MSH3: variants seen among roughly 807,000 people sequenced by gnomAD.
MSH3 encodes the protein DNA mismatch repair protein Msh3.
MSH3 carries 106 observed loss-of-function variants against 123.3 expected under a neutral mutation model. That is an observed-to-expected ratio of 0.86 (90% confidence interval 0.73 to 1.01). The LOEUF is 1.01. MSH3 is among the 50% of genes least tolerant of loss of function. The probability of loss-of-function intolerance (pLI) is 0.00; values close to 1 mark genes in which losing one functional copy is unlikely to be tolerated. For missense variants in MSH3, 1,459 were observed against 1,347.6 expected (o/e 1.08, Z -1.29); for synonymous variants, 515 against 481.4 (o/e 1.07, Z -0.91).
chr5:80,731,206 C>T (rs928974442), intron 10 of MSH3, among the ~76,000 whole-genome samples: 2 of 151,858 alleles, frequency 1.3e-5, no homozygotes, highest in Admixed American at 1.3e-4. Context: ...TCCGGCCTGT[C>T]TTCCTCATAT....
At chr5:80,683,519 C>T (rs1177293729) in intron 8 of MSH3, among the ~76,000 whole-genome samples, 1 of 152,134 alleles carries the variant, frequency 6.6e-6, no homozygotes, top group Non-Finnish European at 1.5e-5. Context: ...TGAGAAATGT[C>T]TATTCAATTT....
chr5:80,833,400 A>G (rs190439200), intron 20 of MSH3, among the ~76,000 whole-genome samples: 3 of 152,330 alleles, frequency 2.0e-5, no homozygotes, highest in African/African-American at 7.2e-5. Flanking sequence ...AGTATGTCTT[A>G]TAAATGATTG....
intron 8 of MSH3, among the ~76,000 whole-genome samples, chr5:80,718,495 G>GGT (rs1751007391): frequency 8.2e-6 from 1 of 122,214 alleles, no homozygotes; most frequent in African/African-American, 3.1e-5. Flanking sequence ...CTCACCTTTG[G>GGT]TTTTTTTTTT....
At chr5:80,692,725 T>C (rs571994152) in intron 8 of MSH3, among the ~76,000 whole-genome samples, 1 of 137,368 alleles carries the variant, frequency 7.3e-6, no homozygotes, top group Non-Finnish European at 1.6e-5. Flanking sequence ...TTTATATAGA[T>C]AAATATACAT....
chr5:80,787,788 G>A, intron 18 of MSH3, 116 bp downstream of exon 18: 2 of 761,474 alleles, frequency 2.6e-6, no homozygotes, highest in South Asian at 1.5e-5. Context: ...TTAGACTCTT[G>A]GGAAAGCTGA....
intron 8 of MSH3, among the ~76,000 whole-genome samples, chr5:80,679,765 G>A (rs774886157): frequency 3.3e-5 from 5 of 152,188 alleles, no homozygotes; most frequent in East Asian, 1.9e-4. Flanking sequence ...TACCTAACTG[G>A]ACTTAAAGGC....
At chr5:80,847,112 T>C (rs1745737265) in intron 20 of MSH3, among the ~76,000 whole-genome samples, 1 of 152,098 alleles carries the variant, frequency 6.6e-6, no homozygotes, top group Non-Finnish European at 1.5e-5. Context: ...CAGTCTGGAG[T>C]GCAGTGGTGC....
chr5:80,826,983 GT>G (rs1353168147), intron 20 of MSH3, among the ~76,000 whole-genome samples: 3 of 152,168 alleles, frequency 2.0e-5, no homozygotes, highest in Non-Finnish European at 4.4e-5. Flanking sequence ...ATTATGATAT[GT>G]GTACTCATCG....
intron 1 of MSH3, chr5:80,655,250 T>G: frequency 3.2e-6 from 1 of 310,824 alleles, no homozygotes; most frequent in Non-Finnish European, 5.9e-6. Flanking sequence ...ATGAGGGGGC[T>G]TGTGGGCAAG....
intron 2 of MSH3, among the ~76,000 whole-genome samples, chr5:80,661,948 G>T (rs1749442919): frequency 6.6e-6 from 1 of 151,114 alleles, no homozygotes; most frequent in South Asian, 2.1e-4. Flanking sequence ...TAGAAAGGGG[G>T]TGCATAGTAG....
intron 8 of MSH3, among the ~76,000 whole-genome samples, chr5:80,708,825 A>G (rs1471447824): frequency 6.6e-6 from 1 of 151,686 alleles, no homozygotes; most frequent in Non-Finnish European, 1.5e-5. Flanking sequence ...CCCAGGCTGG[A>G]GTGTGGTGGC....
intron 15 of MSH3, among the ~76,000 whole-genome samples, chr5:80,771,678 C>A (rs1272312803): frequency 6.6e-6 from 1 of 152,018 alleles, no homozygotes. Context: ...TTGTAATAAC[C>A]TTAAAAGACC....
At chr5:80,712,830 T>G (rs566137759) in intron 8 of MSH3, among the ~76,000 whole-genome samples, 2 of 152,294 alleles carry the variant, frequency 1.3e-5, no homozygotes, top group Admixed American at 1.3e-4. Context: ...AATAATGCCC[T>G]TAGTCTTCTA....
chr5:80,862,415 A>T (rs1746029515), intron 21 of MSH3, among the ~76,000 whole-genome samples: 1 of 152,142 alleles, frequency 6.6e-6, no homozygotes, highest in Non-Finnish European at 1.5e-5. Flanking sequence ...TTTCCTCCAG[A>T]TAGAGGTTTC....
chr5:80,696,998 A>C (rs1204379697), intron 8 of MSH3, among the ~76,000 whole-genome samples: 2 of 152,220 alleles, frequency 1.3e-5, no homozygotes, highest in East Asian at 3.8e-4. Context: ...TTTTAAAAGC[A>C]CAACCAGTGG....
In MSH3 at chr5:80,780,669, C is replaced by G. The variant is rs189548350; in HGVS notation, c.2435+1833C>G. ...ATCACTTGAGGCCAAGAATTCAAGA[C>G]CAGCCTGGCCAAGATGGTGAAACCC... is the stretch of plus-strand genomic sequence containing the variant. On this transcript the variant is annotated intron_variant, in intron 17 of 23. Transcript: ENST00000265081. Among the ~76,000 whole-genome samples the G allele has an allele frequency of 1.9e-3, 296 of 152,302 alleles. 1 individual carries two copies. The highest frequency in any genetic ancestry group is 6.6e-3 in the African/African-American group (273 of 41,556).
chr5:80,689,636 T>C (rs1561443344), intron 8 of MSH3, among the ~76,000 whole-genome samples: 2 of 151,236 alleles, frequency 1.3e-5, no homozygotes, highest in Admixed American at 1.3e-4. Flanking sequence ...TTGTTTGGTA[T>C]GAAGGGTGAT....
At chr5:80,796,722 A>G (rs1170071644) in intron 19 of MSH3, among the ~76,000 whole-genome samples, 2 of 152,186 alleles carry the variant, frequency 1.3e-5, no homozygotes, top group Non-Finnish European at 2.9e-5. Context: ...TGAATAAGCC[A>G]ACTTTCTGCC....
chr5:80,789,369 T>A (rs1476508865), intron 18 of MSH3, among the ~76,000 whole-genome samples: 7 of 108,026 alleles, frequency 6.5e-5, no homozygotes, highest in African/African-American at 2.2e-4. Flanking sequence ...CTGTAGTCAC[T>A]TTTTTTTTTT....
Sources: gnomAD v4.1 joint callset for allele counts (sites outside exome capture counted in the v4.1 genomes callset) on GRCh38, gnomAD v4.1.1 for gene constraint, MANE v1.5 for transcripts, NCBI Gene and HGNC (gene_info 2026-07-23, HGNC 2026-07-21) for gene names.